Variants in CHODL observed in about 807,000 individuals in gnomAD.
The protein encoded by CHODL is transmembrane protein MT75.
In CHODL, 29 loss-of-function variants were observed where a neutral mutation model predicts 34.5. The observed-to-expected ratio is 0.84, with a 90% CI of 0.63 to 1.15. The LOEUF is 1.15. Ranked by LOEUF, CHODL falls within the 50% of genes most tolerant of loss-of-function variation. The pLI is 0.00. For missense variants in CHODL, 332 were observed against 332.5 expected, an observed-to-expected ratio of 1.00 and a Z score of 0.01; for synonymous variants, 125 against 116.1, an observed-to-expected ratio of 1.08 and a Z score of -0.49.
chr21:18,139,289 A>G (rs2072773857), intron 2 of CHODL, among the ~76,000 whole-genome samples: 1 of 152,048 alleles, frequency 6.6e-6, no homozygotes, highest in South Asian at 2.1e-4. Context: ...TCAGCAATGA[A>G]GGACTACGTA....
At chr21:18,070,600 C>G (rs1385864207) in intron 2 of CHODL, among the ~76,000 whole-genome samples, 5 of 152,194 alleles carry the variant, frequency 3.3e-5, no homozygotes, top group Non-Finnish European at 7.4e-5. Context: ...ATCTTCTTAT[C>G]TTCTCTAATC....
intron 1 of CHODL, chr21:18,246,008 A>G (rs1430359901): frequency 7.5e-7 from 1 of 1,334,654 alleles, no homozygotes; most frequent in South Asian, 1.3e-5. Context: ...AGTGCATGGG[A>G]AATCGATCAA....
chr21:18,076,204 G>C (rs922058288), intron 2 of CHODL, among the ~76,000 whole-genome samples: 1 of 152,190 alleles, frequency 6.6e-6, no homozygotes, highest in African/African-American at 2.4e-5. Context: ...GATTGGAAGA[G>C]TTGTGAAGTG....
At chr21:18,228,640 A>G (rs1431442974) in intron 2 of CHODL, among the ~76,000 whole-genome samples, 1 of 152,142 alleles carries the variant, frequency 6.6e-6, no homozygotes, top group East Asian at 1.9e-4. Context: ...GTGAGCAGCT[A>G]GAAGAGAACT....
intron 2 of CHODL, among the ~76,000 whole-genome samples, chr21:18,132,154 A>C (rs1230273762): frequency 6.6e-6 from 1 of 152,084 alleles, no homozygotes; most frequent in African/African-American, 2.4e-5. Flanking sequence ...ATATATATAC[A>C]TGTGCCGTGT....
intron 1 of CHODL, among the ~76,000 whole-genome samples, chr21:17,957,504 G>A (rs1174414101): frequency 4.6e-5 from 7 of 152,084 alleles, no homozygotes; most frequent in South Asian, 2.1e-4. Flanking sequence ...GTAGGTTGTT[G>A]TAATGTTATG....
intron 1 of CHODL, among the ~76,000 whole-genome samples, chr21:17,994,771 C>T (rs1301504886): frequency 6.6e-6 from 1 of 152,028 alleles, no homozygotes; most frequent in Non-Finnish European, 1.5e-5. Flanking sequence ...GGGTTCAACC[C>T]CCCAGGTAAT....
At chr21:17,949,030 T>G (rs2063435406) in intron 1 of CHODL, among the ~76,000 whole-genome samples, 1 of 152,168 alleles carries the variant, frequency 6.6e-6, no homozygotes, top group South Asian at 2.1e-4. Flanking sequence ...AATACCTAAC[T>G]ATGCAACACT....
At chr21:18,129,906 GTGTGTGTGTGTGTGTGTGTGTGTC>G (rs1568901352) in intron 2 of CHODL, among the ~76,000 whole-genome samples, 1 of 143,798 alleles carries the variant, frequency 7.0e-6, no homozygotes, top group Non-Finnish European at 1.5e-5. Context: ...GTGTGTGTGT[GTGTGTGTGTGTGTGTGTGTGTGTC>G]TGTGTGTGTG....
chr21:18,028,323 C>T (rs197516), intron 2 of CHODL, among the ~76,000 whole-genome samples: 19,966 of 107,008 alleles, frequency 0.19, 3,135 homozygotes, highest in African/African-American at 0.26. Flanking sequence ...TCCTTCCTTC[C>T]TTCCTTCCTC....
chr21:18,068,806 C>G (rs1322413112), intron 2 of CHODL, among the ~76,000 whole-genome samples: 1 of 150,926 alleles, frequency 6.6e-6, no homozygotes, highest in Non-Finnish European at 1.5e-5. Flanking sequence ...ACCCTAAACC[C>G]TGAGGTTTTC....
chr21:18,152,977 A>G (rs1012453007), intron 2 of CHODL, among the ~76,000 whole-genome samples: 4 of 152,170 alleles, frequency 2.6e-5, no homozygotes, highest in African/African-American at 7.2e-5. Context: ...AGAGATTTCT[A>G]TTATTTGTCT....
At chr21:18,177,541 A>T (rs539463977) in intron 2 of CHODL, among the ~76,000 whole-genome samples, 5 of 152,180 alleles carry the variant, frequency 3.3e-5, no homozygotes. Context: ...TGGGCAATTT[A>T]GTATCAATCT....
At chr21:18,066,840 A>G (rs1465763319) in intron 2 of CHODL, among the ~76,000 whole-genome samples, 2 of 152,170 alleles carry the variant, frequency 1.3e-5, no homozygotes, top group African/African-American at 4.8e-5. Flanking sequence ...ACAAATAGGT[A>G]CCAGGAAAGA....
At chr21:18,083,519 C>T (rs2064967004) in intron 2 of CHODL, among the ~76,000 whole-genome samples, 1 of 152,172 alleles carries the variant, frequency 6.6e-6, no homozygotes, top group Admixed American at 6.5e-5. Flanking sequence ...CCTGGAAAAG[C>T]CTCAGTCACT....
chr21:18,045,946 C>T, intron 2 of CHODL, among the ~76,000 whole-genome samples: 1 of 151,872 alleles, frequency 6.6e-6, no homozygotes, highest in Non-Finnish European at 1.5e-5. Context: ...CTTGAACTTC[C>T]CAATCTCCAG....
intron 1 of CHODL, among the ~76,000 whole-genome samples, chr21:18,009,752 G>A (rs1373122906): frequency 1.3e-5 from 2 of 151,600 alleles, no homozygotes; most frequent in East Asian, 3.9e-4. Context: ...GCCGGGCGTG[G>A]TGGTAGGTGC....
At chr21:17,943,058 C>A (rs2063378510) in intron 1 of CHODL, among the ~76,000 whole-genome samples, 1 of 152,176 alleles carries the variant, frequency 6.6e-6, no homozygotes, top group South Asian at 2.1e-4. Context: ...GTACAGCTTG[C>A]AGAACTGTGA....
At chr21:18,101,891 A>G (rs1308166949) in intron 2 of CHODL, among the ~76,000 whole-genome samples, 1 of 152,130 alleles carries the variant, frequency 6.6e-6, no homozygotes, top group Non-Finnish European at 1.5e-5. Context: ...TTGGTTTTGA[A>G]AAGTATATAT....
Sources: allele counts gnomAD v4.1 joint callset (sites outside exome capture counted in the v4.1 genomes callset), GRCh38; gene constraint gnomAD v4.1.1; transcripts MANE v1.5; gene names NCBI Gene and HGNC (gene_info 2026-07-23, HGNC 2026-07-21).